CDH23: variants seen among roughly 807,000 people sequenced by gnomAD.
CDH23 encodes the protein cadherin-23.
CDH23 carries 189 observed loss-of-function variants against 317.1 expected under a neutral mutation model. That is an observed-to-expected ratio of 0.60 (90% CI 0.53 to 0.67). CDH23 has a LOEUF of 0.67. Ranked by LOEUF, CDH23 falls within the 30% of genes least tolerant of loss-of-function variation. The probability of loss-of-function intolerance (pLI) is 0.00; values close to 1 mark genes in which losing one functional copy is unlikely to be tolerated. For missense variants in CDH23, 4,401 were observed against 4,592.4 expected (o/e 0.96, Z 1.20); for synonymous variants, 1,839 against 1,876.8 (o/e 0.98, Z 0.52).
At chr10:71,597,211 G>A (rs1198569631) in intron 9 of CDH23, among the ~76,000 whole-genome samples, 1 of 152,060 alleles carries the variant, frequency 6.6e-6, no homozygotes, top group Non-Finnish European at 1.5e-5. Flanking sequence ...GGGCCGGGAG[G>A]GTGGGGAGCA....
intron 3 of CDH23, among the ~76,000 whole-genome samples, chr10:71,486,315 G>A (rs1852344293): frequency 6.6e-6 from 1 of 152,166 alleles, no homozygotes; most frequent in African/African-American, 2.4e-5. Context: ...GGATTACAGA[G>A]GAAAGGGAGG....
intron 6 of CDH23, among the ~76,000 whole-genome samples, chr10:71,549,325 T>A (rs1297908354): frequency 6.6e-6 from 1 of 152,132 alleles, no homozygotes; most frequent in African/African-American, 2.4e-5. Context: ...TGTAAGTGAA[T>A]GATAAGACTG....
intron 38 of CDH23, among the ~76,000 whole-genome samples, chr10:71,757,241 T>C (rs982790226): frequency 2.0e-5 from 3 of 152,238 alleles, no homozygotes; most frequent in African/African-American, 7.2e-5. Flanking sequence ...CAGGTGCTCA[T>C]TGATACCTGT....
rs1473514271 is a variant in CDH23, at chr10:71,807,772, A to G, written c.8560+5A>G. 1 of 1,594,644 alleles carries G rather than the reference A, an allele frequency of 6.3e-7. No homozygotes were observed. Among genetic ancestry groups the G allele is most frequent in the Admixed American group, 1.8e-5 (1 of 57,088 alleles). The stretch of plus-strand genomic sequence containing the variant: ...CCAAGGCTGAGTACACTGCAGGTGC[A>G]GGGACTGGAGCCTGGGCACGAGGTG... On this transcript the variant is annotated splice_donor_5th_base_variant and intron_variant, in intron 59 of 69. Transcript: ENST00000224721.
chr10:71,515,394 T>TCTCACA (rs1491490493), intron 6 of CDH23, among the ~76,000 whole-genome samples: 6 of 26,628 alleles, frequency 2.3e-4, no homozygotes, highest in African/African-American at 5.1e-4. Flanking sequence ...TCTCTCTCTC[T>TCTCACA]CACACACACA....
intron 19 of CDH23, among the ~76,000 whole-genome samples, chr10:71,689,051 G>A (rs868264519): frequency 7.7e-5 from 9 of 117,238 alleles, no homozygotes; most frequent in African/African-American, 1.2e-4. Flanking sequence ...GTGGAGCCAG[G>A]GATGGTGGAG....
At chr10:71,637,764 C>G (rs1008999034) in intron 11 of CDH23, among the ~76,000 whole-genome samples, 1 of 152,156 alleles carries the variant, frequency 6.6e-6, no homozygotes, top group African/African-American at 2.4e-5. Flanking sequence ...GAGGGTGTCA[C>G]ACCAGCCCAC....
chr10:71,654,819 C>T (rs897720099), intron 14 of CDH23, among the ~76,000 whole-genome samples: 4 of 152,066 alleles, frequency 2.6e-5, no homozygotes, highest in African/African-American at 9.7e-5. Flanking sequence ...AGGAGTGTCC[C>T]AAGAGATCCA....
chr10:71,806,210 G>T lies in CDH23; in HGVS notation c.8107G>T (p.Glu2703Ter). The T allele has an allele frequency of 6.3e-7, 1 of 1,579,308 alleles. No homozygotes were observed. ...ASDLGQPVPY[E>*]TMQPLQVALE... ...CGACCTGGGCCAGCCAGTGCCATACGAGACTATGCAGCCGCTGCAGGTGGC... is the reference window on the plus strand; with the variant it reads ...CGACCTGGGCCAGCCAGTGCCATACTAGACTATGCAGCCGCTGCAGGTGGC... The change falls in exon 57 of 70, where the codon GAG (glutamate) becomes TAG (stop). Residue 2703 changes from glutamate to a stop codon, truncating the protein, a stop_gained. Transcript: ENST00000224721. LOFTEE classifies it high-confidence loss of function.
At chr10:71,425,585 G>C (rs1039984296) in intron 1 of CDH23, among the ~76,000 whole-genome samples, 1 of 152,214 alleles carries the variant, frequency 6.6e-6, no homozygotes, top group Non-Finnish European at 1.5e-5. Context: ...TGGAGCTCCT[G>C]TGTGGGTAGG....
chr10:71,582,840 C>T (rs1858736745), intron 9 of CDH23, among the ~76,000 whole-genome samples: 1 of 152,154 alleles, frequency 6.6e-6, no homozygotes, highest in African/African-American at 2.4e-5. Context: ...GCCCTGGGAA[C>T]CTGCAGTTTG....
At chr10:71,514,877 T>C (rs545691600) in intron 6 of CDH23, among the ~76,000 whole-genome samples, 43 of 152,254 alleles carry the variant, frequency 2.8e-4, no homozygotes, top group Non-Finnish European at 5.3e-4. Context: ...GACTGCTGTT[T>C]GATTTGCTGT....
At chr10:71,645,521 G>T in intron 12 of CDH23, 1 of 524,732 alleles carries the variant, frequency 1.9e-6, no homozygotes, top group Non-Finnish European at 3.7e-6. Flanking sequence ...CGCAGCTGGG[G>T]TCACTGGGAC....
chr10:71,792,922 A>G (rs922265463), intron 47 of CDH23, among the ~76,000 whole-genome samples: 16 of 148,016 alleles, frequency 1.1e-4, no homozygotes, highest in African/African-American at 4.0e-4. Flanking sequence ...TGACAGAAAA[A>G]TGGACAAAAG....
rs146612121 is a variant in CDH23, at chr10:71,516,130, T to C, written c.429+4918T>C. On this transcript the variant is annotated intron_variant, in intron 6 of 69. Coordinates refer to ENST00000224721, the MANE Select transcript of CDH23 (RefSeq NM_022124.6). ...GACACTGCTGAGGAGGGACAGTGGC[T>C]AAGTGGGTGTGTGTCCTTTGCAGGT... 4.6e-5 allele frequency among the ~76,000 whole-genome samples: 7 copies of C among 152,380 alleles called. No individual in the cohort carries two copies. The East Asian group carries it at 1.2e-3, about 25-fold the overall frequency.
At chr10:71,755,268 A>G in intron 38 of CDH23, 3 of 1,139,584 alleles carry the variant, frequency 2.6e-6, no homozygotes, top group Admixed American at 2.2e-5. Context: ...TTGTGCCTGC[A>G]TCGTGCCTTT....
At chr10:71,469,851 C>A (rs573445028) in intron 3 of CDH23, among the ~76,000 whole-genome samples, 2 of 152,272 alleles carry the variant, frequency 1.3e-5, no homozygotes, top group South Asian at 4.1e-4. Context: ...GTGGTCTGCC[C>A]GCCTTGGCCT....
chr10:71,790,244 G>T, intron 45 of CDH23, 44 bp from the exon 46 acceptor site: 9 of 1,606,616 alleles, frequency 5.6e-6, no homozygotes, highest in Non-Finnish European at 7.7e-6. Context: ...GGGAGGGCAG[G>T]GGGCTGGGTT....
chr10:71,724,875 C>T (rs1203498909), intron 29 of CDH23, among the ~76,000 whole-genome samples: 2 of 152,112 alleles, frequency 1.3e-5, no homozygotes, highest in Non-Finnish European at 2.9e-5. Flanking sequence ...AGAGTAGATC[C>T]CCAAAGAAAA....
Sources: allele counts gnomAD v4.1 joint callset (sites outside exome capture counted in the v4.1 genomes callset), GRCh38; gene constraint gnomAD v4.1.1; transcripts MANE v1.5; gene names NCBI Gene and HGNC (gene_info 2026-07-23, HGNC 2026-07-21).